The following UNC13C variants were observed in gnomAD, a reference collection of about 807,000 sequenced individuals.
UNC13C encodes the protein protein unc-13 homolog C.
Under a neutral mutation model 245.4 loss-of-function variants are expected in UNC13C, and 174 were observed. The observed-to-expected ratio is 0.71, with a 90% CI of 0.63 to 0.80. The LOEUF (loss-of-function observed/expected upper bound fraction) is 0.80. Among genes scored for constraint, UNC13C ranks in the 30% least tolerant of loss-of-function variants. The pLI is 0.00. For missense variants in UNC13C, 2,829 were observed against 2,602.9 expected, an observed-to-expected ratio of 1.09 and a Z score of -1.89; for synonymous variants, 992 against 895.1, an observed-to-expected ratio of 1.11 and a Z score of -1.93.
intron 23 of UNC13C, among the ~76,000 whole-genome samples, chr15:54,507,816 G>A (rs1894540696): frequency 6.6e-6 from 1 of 151,444 alleles, no homozygotes; most frequent in African/African-American, 2.4e-5. Flanking sequence ...GAAATACATT[G>A]GCAGCATTGT....
upstream of UNC13C, chr15:53,974,864 G>A (rs1893647926): frequency 6.6e-6 from 1 of 152,052 alleles, no homozygotes; most frequent in African/African-American, 2.4e-5. Flanking sequence ...CATTTAGCAT[G>A]TCAGCAGTGG....
chr15:54,309,872 A>G (rs1043622472), intron 13 of UNC13C, among the ~76,000 whole-genome samples: 2 of 151,830 alleles, frequency 1.3e-5, no homozygotes, highest in African/African-American at 4.8e-5. Context: ...TTTTTATGTC[A>G]GTACCATGTT....
At chr15:54,457,758 T>C (rs1360520156) in intron 19 of UNC13C, among the ~76,000 whole-genome samples, 1 of 152,014 alleles carries the variant, frequency 6.6e-6, no homozygotes, top group Non-Finnish European at 1.5e-5. Context: ...ATTTGGATCT[T>C]CTCTCTTCTT....
intron 30 of UNC13C, among the ~76,000 whole-genome samples, chr15:54,592,863 G>GTTTTTTTTTTTTTTTT (rs56152927): frequency 2.2e-5 from 3 of 134,146 alleles, no homozygotes; most frequent in African/African-American, 5.5e-5. Flanking sequence ...TTTGTTTTTT[G>GTTTTTTTTTTTTTTTT]TTTTTTTTTT....
At chr15:54,037,610 A>G (rs1405820449) in intron 2 of UNC13C, among the ~76,000 whole-genome samples, 1 of 152,134 alleles carries the variant, frequency 6.6e-6, no homozygotes, top group Non-Finnish European at 1.5e-5. Context: ...TACATTTGAC[A>G]TATGGTAGGA....
At chr15:54,120,277 A>G (rs1449129680) in intron 2 of UNC13C, among the ~76,000 whole-genome samples, 1 of 152,118 alleles carries the variant, frequency 6.6e-6, no homozygotes, top group Non-Finnish European at 1.5e-5. Context: ...CCAGTGCTCC[A>G]TTTTGCATTC....
At chr15:53,980,659 T>C (rs1026784548) in intron 1 of UNC13C, among the ~76,000 whole-genome samples, 37 of 152,304 alleles carry the variant, frequency 2.4e-4, no homozygotes, top group African/African-American at 8.9e-4. Context: ...TAAGGGTTTA[T>C]TTCCTAGCAT....
chr15:54,530,225 A>G (rs1471899585), intron 25 of UNC13C, among the ~76,000 whole-genome samples: 1 of 152,236 alleles, frequency 6.6e-6, no homozygotes, highest in Non-Finnish European at 1.5e-5. Context: ...ATACATATCC[A>G]TTATAAAATG....
At chr15:54,407,169 A>T (rs2040311601) in intron 18 of UNC13C, among the ~76,000 whole-genome samples, 2 of 152,192 alleles carry the variant, frequency 1.3e-5, no homozygotes, top group Admixed American at 1.3e-4. Context: ...TTTAAAAGGT[A>T]AATTTGGTGA....
intron 2 of UNC13C, among the ~76,000 whole-genome samples, chr15:54,066,781 G>T (rs1898095603): frequency 6.6e-6 from 1 of 152,152 alleles, no homozygotes; most frequent in South Asian, 2.1e-4. Flanking sequence ...TTGAGGAAAG[G>T]GAAAAAGTGC....
At chr15:53,871,250 A>G in the UNC13C span, among the ~76,000 whole-genome samples, 20 of 152,078 alleles carry the variant, frequency 1.3e-4, no homozygotes, top group African/African-American at 4.6e-4. Context: ...GGCTCCAGTG[A>G]TGTTCATTGA....
chr15:54,571,425 G>T (rs76042015), intron 30 of UNC13C, among the ~76,000 whole-genome samples: 11,912 of 152,222 alleles, frequency 0.078, 660 homozygotes, highest in Middle Eastern at 0.16. Flanking sequence ...CTCTCACCAG[G>T]TCCATCCCAT....
chr15:54,418,644 T>C (rs2040570789), intron 19 of UNC13C, among the ~76,000 whole-genome samples: 1 of 152,098 alleles, frequency 6.6e-6, no homozygotes, highest in African/African-American at 2.4e-5. Context: ...AAACACATTA[T>C]AATTAAAAAC....
intron 28 of UNC13C, among the ~76,000 whole-genome samples, chr15:54,553,478 A>C (rs1433883468): frequency 7.1e-6 from 1 of 140,498 alleles, no homozygotes; most frequent in South Asian, 2.1e-4. Flanking sequence ...GAAAACATTT[A>C]TAATGTGTAT....
Position 54,338,422 on chromosome 15 carries a change from G to A in UNC13C, c.4646G>A (p.Cys1549Tyr). 6.2e-7 allele frequency: 1 copy of A among 1,613,900 alleles called. No individual in the cohort carries two copies. Among genetic ancestry groups the A allele is most frequent in the Non-Finnish European group, 8.5e-7 (1 of 1,179,832 alleles). ...SMVVKDCVRA[C>Y]LDSTYKYIFD... The stretch of plus-strand genomic sequence containing the variant: ...GTGGTGAAGGACTGTGTAAGGGCTT[G>A]CCTGGATTCTACATACAAGTATATT... Residue 1549 changes from cysteine (C) to tyrosine (Y), a missense_variant, in exon 17 of 33, where the codon TGC becomes TAC. Transcript: ENST00000260323.
intron 19 of UNC13C, among the ~76,000 whole-genome samples, chr15:54,428,447 G>C (rs1304061970): frequency 6.6e-6 from 1 of 151,244 alleles, no homozygotes; most frequent in Non-Finnish European, 1.5e-5. Flanking sequence ...CCTCTGCTTG[G>C]ACTACTCTTT....
the UNC13C span, among the ~76,000 whole-genome samples, chr15:53,957,142 T>G: frequency 8.3e-6 from 1 of 119,876 alleles, no homozygotes; most frequent in Non-Finnish European, 1.8e-5. Flanking sequence ...CTTTTTTGTT[T>G]GTTTGTTTGT....
chr15:54,336,517 C>G (rs1204479183), intron 16 of UNC13C, among the ~76,000 whole-genome samples: 3 of 150,990 alleles, frequency 2.0e-5, no homozygotes, highest in Admixed American at 6.6e-5. Flanking sequence ...ATGGATAATG[C>G]TCTTGGTTAA....
intron 4 of UNC13C, among the ~76,000 whole-genome samples, chr15:54,187,733 A>G (rs140674693): frequency 4.6e-5 from 7 of 152,106 alleles, no homozygotes; most frequent in African/African-American, 1.7e-4. Context: ...TATACCTTTT[A>G]ATACTTTGAT....
Sources: allele counts gnomAD v4.1 joint callset (sites outside exome capture counted in the v4.1 genomes callset), GRCh38; gene constraint gnomAD v4.1.1; transcripts MANE v1.5; gene names NCBI Gene and HGNC (gene_info 2026-07-23, HGNC 2026-07-21).